Variants in BCAR3 observed in about 807,000 individuals in gnomAD.
BCAR3 encodes the protein BCAR3 adaptor protein, NSP family member, also known as breast cancer anti-estrogen resistance protein 3.
BCAR3 carries 37 observed loss-of-function variants against 80.1 expected under a neutral mutation model. The observed-to-expected ratio is 0.46, with a 90% CI of 0.36 to 0.61. The LOEUF is 0.61. Among genes scored for constraint, BCAR3 ranks in the 20% least tolerant of loss-of-function variants. The probability of loss-of-function intolerance (pLI) is 0.00; values close to 1 mark genes in which losing one functional copy is unlikely to be tolerated. For missense variants in BCAR3, 978 were observed against 1,068.2 expected, an observed-to-expected ratio of 0.92 and a Z score of 1.18; for synonymous variants, 389 against 418.9, an observed-to-expected ratio of 0.93 and a Z score of 0.87.
intron 3 of BCAR3, among the ~76,000 whole-genome samples, chr1:93,610,646 A>C (rs1183900036): frequency 6.6e-6 from 1 of 152,176 alleles, no homozygotes; most frequent in Non-Finnish European, 1.5e-5. Flanking sequence ...AATATAGTAC[A>C]GTAGAAAGAA....
chr1:93,830,879 T>C (rs1240438261), intron 2 of BCAR3, among the ~76,000 whole-genome samples: 1 of 147,618 alleles, frequency 6.8e-6, no homozygotes, highest in Admixed American at 6.7e-5. Context: ...ATCTCATGAA[T>C]TTCAAATTGG....
chr1:93,588,918 T>A, intron 5 of BCAR3, 59 bp downstream of exon 5: 1 of 1,464,110 alleles, frequency 6.8e-7, no homozygotes, highest in African/African-American at 1.4e-5. Flanking sequence ...TTCACCTGCC[T>A]AACTAACCTT....
intron 2 of BCAR3, among the ~76,000 whole-genome samples, chr1:93,655,183 C>T (rs1170096089): frequency 6.6e-6 from 1 of 152,168 alleles, no homozygotes; most frequent in Non-Finnish European, 1.5e-5. Flanking sequence ...CACAAACATG[C>T]TTAGACTTTA....
chr1:93,690,856 C>T (rs1255796347), intron 3 of BCAR3, among the ~76,000 whole-genome samples: 1 of 152,088 alleles, frequency 6.6e-6, no homozygotes, highest in Non-Finnish European at 1.5e-5. Flanking sequence ...TTTTCTAGGC[C>T]ATTTTCTTGA....
chr1:93,603,509 G>T (rs1674687127), intron 3 of BCAR3, among the ~76,000 whole-genome samples: 1 of 152,208 alleles, frequency 6.6e-6, no homozygotes, highest in Non-Finnish European at 1.5e-5. Context: ...GGCAGATGAG[G>T]ACCTCTGGCC....
At chr1:93,616,126 T>C (rs1675118187) in intron 3 of BCAR3, among the ~76,000 whole-genome samples, 1 of 152,238 alleles carries the variant, frequency 6.6e-6, no homozygotes, top group African/African-American at 2.4e-5. Context: ...CTTAGGTCAC[T>C]GTGGTATCAC....
At chr1:93,615,498 C>G (rs1236528915) in intron 3 of BCAR3, among the ~76,000 whole-genome samples, 1 of 152,208 alleles carries the variant, frequency 6.6e-6, no homozygotes, top group African/African-American at 2.4e-5. Flanking sequence ...CTCTCTGACT[C>G]TGGAGGTCTG....
chr1:93,772,565 G>T (rs765507616), intron 2 of BCAR3, among the ~76,000 whole-genome samples: 10 of 152,004 alleles, frequency 6.6e-5, no homozygotes, highest in Non-Finnish European at 1.5e-4. Context: ...AAATCTTTGT[G>T]CATCTTGATC....
chr1:93,755,590 T>C (rs1002185937), intron 2 of BCAR3, among the ~76,000 whole-genome samples: 7 of 152,236 alleles, frequency 4.6e-5, no homozygotes, highest in Admixed American at 2.6e-4. Flanking sequence ...CAATAGGCTA[T>C]AGTCTATAGC....
chr1:93,659,651 T>C (rs775826325), intron 2 of BCAR3, among the ~76,000 whole-genome samples: 4 of 152,178 alleles, frequency 2.6e-5, no homozygotes, highest in Non-Finnish European at 4.4e-5. Flanking sequence ...TCTCATTTTA[T>C]ATTTTTTAGA....
intron 3 of BCAR3, among the ~76,000 whole-genome samples, chr1:93,636,065 A>C (rs1339906850): frequency 2.0e-5 from 3 of 152,200 alleles, no homozygotes; most frequent in Non-Finnish European, 4.4e-5. Context: ...GGGTGACCTA[A>C]TATATCCCCA....
At chr1:93,724,348 C>A (rs1238622208) in intron 2 of BCAR3, among the ~76,000 whole-genome samples, 1 of 152,216 alleles carries the variant, frequency 6.6e-6, no homozygotes, top group Non-Finnish European at 1.5e-5. Context: ...CCTGCAGTGC[C>A]TTCCTGGTCT....
At chr1:93,619,064 G>A (rs771439023) in intron 3 of BCAR3, among the ~76,000 whole-genome samples, 1 of 149,838 alleles carries the variant, frequency 6.7e-6, no homozygotes, top group Non-Finnish European at 1.5e-5. Context: ...TCAGCCTCCC[G>A]AGTAGCTGGG....
chr1:93,835,040 T>TATG (rs201974794), intron 2 of BCAR3, among the ~76,000 whole-genome samples: 3 of 90,342 alleles, frequency 3.3e-5, no homozygotes, highest in African/African-American at 2.0e-4. Flanking sequence ...CTTCCACATC[T>TATG]ATCGAGGCTA....
At chr1:93,574,173 A>G (rs1252635998) in intron 8 of BCAR3, among the ~76,000 whole-genome samples, 1 of 152,174 alleles carries the variant, frequency 6.6e-6, no homozygotes, top group African/African-American at 2.4e-5. Flanking sequence ...TACACCGACT[A>G]TGGGAAAAAC....
intron 2 of BCAR3, among the ~76,000 whole-genome samples, chr1:93,661,556 C>T (rs146837280): frequency 0.028 from 4,188 of 151,496 alleles, 90 homozygotes; most frequent in East Asian, 0.081. Context: ...GGTGCAATCT[C>T]CGCTCACTGC....
intron 2 of BCAR3, among the ~76,000 whole-genome samples, chr1:93,737,868 T>C (rs1651031136): frequency 1.3e-5 from 2 of 152,188 alleles, no homozygotes; most frequent in African/African-American, 4.8e-5. Context: ...GCTCTTGCTC[T>C]GTCACCCAGG....
intron 2 of BCAR3, among the ~76,000 whole-genome samples, chr1:93,648,457 G>A (rs527461848): frequency 1.3e-5 from 2 of 152,264 alleles, no homozygotes; most frequent in Admixed American, 6.5e-5. Context: ...AGACCCAAAA[G>A]GAGACTCGTT....
intron 7 of BCAR3, among the ~76,000 whole-genome samples, chr1:93,579,391 AG>A (rs2101824106): frequency 6.6e-6 from 1 of 152,314 alleles, no homozygotes; most frequent in South Asian, 2.1e-4. Context: ...ACAGGGAAGA[AG>A]GAAGTTTCAA....
Sources: allele counts gnomAD v4.1 joint callset (sites outside exome capture counted in the v4.1 genomes callset), GRCh38; gene constraint gnomAD v4.1.1; transcripts MANE v1.5; gene names NCBI Gene and HGNC (gene_info 2026-07-23, HGNC 2026-07-21).